Variants in TANC1 observed in about 807,000 individuals in gnomAD.
The protein encoded by TANC1 is protein TANC1.
In TANC1, 77 loss-of-function variants were observed where a neutral mutation model predicts 149.7. The observed-to-expected ratio is 0.51, with a 90% CI of 0.43 to 0.62. The LOEUF (loss-of-function observed/expected upper bound fraction) is 0.62. TANC1 is among the 20% of genes least tolerant of loss of function. TANC1 has a pLI of 0.00. For missense variants in TANC1, 1,985 were observed against 2,321.8 expected (o/e 0.85, Z 2.98); for synonymous variants, 854 against 925.0 (o/e 0.92, Z 1.39).
chr2:159,036,861 T>C (rs2040232306), intron 2 of TANC1, among the ~76,000 whole-genome samples: 1 of 152,228 alleles, frequency 6.6e-6, no homozygotes, highest in Non-Finnish European at 1.5e-5. Context: ...TTATAGTCCT[T>C]TGAGTATATA....
chr2:159,144,687 G>A (rs756324436), intron 5 of TANC1, among the ~76,000 whole-genome samples: 44 of 152,172 alleles, frequency 2.9e-4, no homozygotes, highest in Non-Finnish European at 5.1e-4. Flanking sequence ...GTAAGCCACC[G>A]CATCCGGCCA....
At chr2:158,992,873 C>CT (rs1290980210) in intron 1 of TANC1, among the ~76,000 whole-genome samples, 1 of 151,982 alleles carries the variant, frequency 6.6e-6, no homozygotes, top group Non-Finnish European at 1.5e-5. Context: ...TCCTCCTTGG[C>CT]TTTTTAAATA....
intron 2 of TANC1, among the ~76,000 whole-genome samples, chr2:159,065,196 C>T (rs1559191740): frequency 6.6e-6 from 1 of 152,148 alleles, no homozygotes; most frequent in Admixed American, 6.5e-5. Flanking sequence ...TTTACAAGCT[C>T]AGTACAACCC....
At chr2:159,203,891 T>C (rs2058425615) in intron 19 of TANC1, among the ~76,000 whole-genome samples, 2 of 152,326 alleles carry the variant, frequency 1.3e-5, no homozygotes, top group South Asian at 4.1e-4. Flanking sequence ...ATGGGCTTTG[T>C]GAAGGCAGAA....
intron 3 of TANC1, among the ~76,000 whole-genome samples, chr2:159,083,270 A>G (rs1268719815): frequency 6.7e-6 from 1 of 150,090 alleles, no homozygotes; most frequent in Admixed American, 6.6e-5. Context: ...TTTTTTTTTT[A>G]AATAACAATT....
chr2:158,995,867 C>T (rs2036086938), intron 1 of TANC1, among the ~76,000 whole-genome samples: 1 of 152,194 alleles, frequency 6.6e-6, no homozygotes, highest in Admixed American at 6.5e-5. Context: ...CATCCACCAG[C>T]CAGCCTGCCG....
Position 159,001,867 on chromosome 2 carries a change from T to TG in TANC1, c.-16+683dup. On this transcript the variant is annotated intron_variant, in intron 2 of 26. Coordinates refer to ENST00000263635, the MANE Select transcript of TANC1 (RefSeq NM_033394.3). This position sits in a 1 kb window ranked among gnomAD's most constrained non-coding sequence, Gnocchi z 4.3. ...AGTGGACAGAAGGTTCCAGAGGCTGTGGGGGAAGGGAGAGGGGGTTGTTGA... is the reference window on the plus strand; with the variant it reads ...AGTGGACAGAAGGTTCCAGAGGCTGTGGGGGGAAGGGAGAGGGGGTTGTTGA... Among the ~76,000 whole-genome samples the TG allele has an allele frequency of 6.6e-6, 1 of 150,950 alleles. No individual in the cohort carries two copies. The highest frequency in any genetic ancestry group is 6.6e-5 in the Admixed American group (1 of 15,186).
chr2:159,020,518 C>T (rs2149424053), intron 2 of TANC1, among the ~76,000 whole-genome samples: 1 of 152,206 alleles, frequency 6.6e-6, no homozygotes, highest in Non-Finnish European at 1.5e-5. Context: ...ACATACAAAC[C>T]TAAACTTCTT....
intron 5 of TANC1, among the ~76,000 whole-genome samples, chr2:159,142,288 CT>C (rs1024344593): frequency 1.4e-4 from 21 of 152,158 alleles, no homozygotes; most frequent in African/African-American, 5.1e-4. Context: ...GTACAAAACC[CT>C]TTTGTAATAA....
intron 4 of TANC1, among the ~76,000 whole-genome samples, chr2:159,102,912 G>T (rs1438799765): frequency 1.2e-5 from 1 of 86,122 alleles, no homozygotes; most frequent in African/African-American, 3.2e-5. Context: ...TAGAGACAGG[G>T]TTTCACCGTG....
At chr2:159,130,891 G>T (rs1460460743) in intron 4 of TANC1, among the ~76,000 whole-genome samples, 3 of 152,078 alleles carry the variant, frequency 2.0e-5, no homozygotes, top group Non-Finnish European at 2.9e-5. Flanking sequence ...TTTCAGGGTA[G>T]GTCTTTCCTC....
intron 7 of TANC1, among the ~76,000 whole-genome samples, chr2:159,151,677 G>A (rs1272753620): frequency 6.6e-6 from 1 of 152,194 alleles, no homozygotes; most frequent in East Asian, 1.9e-4. Context: ...GCCCCAGAAG[G>A]TCTGTGAGAT....
chr2:158,969,373 A>G (rs1030301640), intron 1 of TANC1, among the ~76,000 whole-genome samples: 6 of 152,244 alleles, frequency 3.9e-5, no homozygotes, highest in Admixed American at 6.5e-5. Context: ...CTTTGCTTCC[A>G]AGAACACTGC....
At chr2:159,175,798 A>C (rs1436829003) in intron 12 of TANC1, among the ~76,000 whole-genome samples, 1 of 152,196 alleles carries the variant, frequency 6.6e-6, no homozygotes, top group Non-Finnish European at 1.5e-5. Flanking sequence ...TTTCTTCTCT[A>C]TTGCCTGGGC....
chr2:159,206,511 A>C (rs2058617152), intron 19 of TANC1, among the ~76,000 whole-genome samples: 1 of 152,190 alleles, frequency 6.6e-6, no homozygotes, highest in African/African-American at 2.4e-5. Context: ...GTGGTGTCTC[A>C]AGCACGAACA....
chr2:159,045,926 G>A (rs2041003870), intron 2 of TANC1, among the ~76,000 whole-genome samples: 2 of 152,190 alleles, frequency 1.3e-5, no homozygotes, highest in South Asian at 4.1e-4. Context: ...CCAGAGTTTA[G>A]GCTTACTGAG....
chr2:158,977,500 G>A (rs1365703182), intron 1 of TANC1, among the ~76,000 whole-genome samples: 1 of 151,784 alleles, frequency 6.6e-6, no homozygotes, highest in Non-Finnish European at 1.5e-5. Context: ...TCATAGACAT[G>A]GGGTTTCACC....
intron 4 of TANC1, among the ~76,000 whole-genome samples, chr2:159,115,202 G>GTA (rs2048124123): frequency 6.6e-6 from 1 of 151,526 alleles, no homozygotes; most frequent in Non-Finnish European, 1.5e-5. Flanking sequence ...GTGTGTATGT[G>GTA]TGTCCGTGTG....
rs114290913 is a variant in TANC1, at chr2:159,165,638, A to G, written c.946+2092A>G. 8.5e-3 allele frequency among the ~76,000 whole-genome samples: 1,293 copies of G among 152,380 alleles called. 26 individuals carry two copies. Among genetic ancestry groups the G allele is most frequent in the African/African-American group, 0.029 (1,214 of 41,586 alleles). On this transcript the variant is annotated intron_variant, in intron 8 of 26. Coordinates refer to ENST00000263635, the MANE Select transcript of TANC1 (RefSeq NM_033394.3). ...TATGCAGCACTATTTAGTGATTAGA[A>G]GGCAGGCTGCTACAAACAGGGCAGC...
Sources: gnomAD v4.1 joint callset for allele counts (sites outside exome capture counted in the v4.1 genomes callset) on GRCh38, gnomAD v4.1.1 for gene constraint, Gnocchi (gnomAD v3.1) non-coding constraint, MANE v1.5 for transcripts, NCBI Gene and HGNC (gene_info 2026-07-23, HGNC 2026-07-21) for gene names.